TRPC3: variants seen among roughly 807,000 people sequenced by gnomAD.
TRPC3 encodes transient receptor potential cation channel subfamily C member 3.
Under a neutral mutation model 90.9 loss-of-function variants are expected in TRPC3, and 54 were observed. That is an observed-to-expected ratio of 0.59 (90% CI 0.48 to 0.75). The LOEUF (loss-of-function observed/expected upper bound fraction) is 0.75. Among genes scored for constraint, TRPC3 ranks in the 30% least tolerant of loss-of-function variants. TRPC3 has a pLI of 0.00. For synonymous variants in TRPC3, 424 were observed against 450.9 expected, an observed-to-expected ratio of 0.94 and a Z score of 0.75; for missense variants, 918 against 1,194.5, an observed-to-expected ratio of 0.77 and a Z score of 3.41.
At chr4:121,938,063 T>C (rs757132815) in intron 1 of TRPC3, among the ~76,000 whole-genome samples, 1 of 151,832 alleles carries the variant, frequency 6.6e-6, no homozygotes, top group Non-Finnish European at 1.5e-5. Context: ...TACCCTCTCA[T>C]ATATGCCTCT....
intron 3 of TRPC3, among the ~76,000 whole-genome samples, chr4:121,923,364 A>G (rs1231375266): frequency 6.6e-6 from 1 of 152,120 alleles, no homozygotes; most frequent in African/African-American, 2.4e-5. Flanking sequence ...TCCTCTTAGG[A>G]TTCTGTGAGC....
At chr4:121,888,921 G>T (rs1728226527) in intron 10 of TRPC3, among the ~76,000 whole-genome samples, 1 of 152,130 alleles carries the variant, frequency 6.6e-6, no homozygotes, top group South Asian at 2.1e-4. Flanking sequence ...TTATAAAAGA[G>T]ACCCCACAGA....
rs201332366 is a variant in TRPC3, at chr4:121,914,963, T to A, written c.1177-19A>T. The A allele has an allele frequency of 3.8e-5, 60 of 1,574,020 alleles. No homozygotes were observed. Among genetic ancestry groups the A allele is most frequent in the Admixed American group, 2.2e-4 (13 of 58,410 alleles). On this transcript the variant is annotated intron_variant, in intron 3 of 11. Coordinates refer to ENST00000379645, the MANE Select transcript of TRPC3 (RefSeq NM_001130698.2). ...CCACAAACTATTGGGAGAGAGAGAG[T>A]TTGAGAAGGGGAGAGAAAGGTAAGT...
intron 10 of TRPC3, among the ~76,000 whole-genome samples, chr4:121,884,696 C>T (rs1396367342): frequency 6.6e-6 from 1 of 152,182 alleles, no homozygotes; most frequent in Non-Finnish European, 1.5e-5. Context: ...AAAGGAAAAG[C>T]TCATTTTTCC....
chr4:121,921,060 G>A (rs996320337), intron 3 of TRPC3, among the ~76,000 whole-genome samples: 5 of 152,090 alleles, frequency 3.3e-5, no homozygotes, highest in Non-Finnish European at 5.9e-5. Flanking sequence ...CTATTCTGGT[G>A]TTTTATATAT....
intron 3 of TRPC3, among the ~76,000 whole-genome samples, chr4:121,920,412 T>C (rs1444565030): frequency 1.3e-5 from 2 of 151,990 alleles, no homozygotes; most frequent in Admixed American, 1.3e-4. Context: ...TAATCCCAGC[T>C]ACTCGGGAGG....
At chr4:121,945,900 C>T (rs1730471093) in intron 1 of TRPC3, among the ~76,000 whole-genome samples, 1 of 152,022 alleles carries the variant, frequency 6.6e-6, no homozygotes, top group African/African-American at 2.4e-5. Context: ...CCCTGGATCT[C>T]TGAAATAAAG....
In TRPC3 at chr4:121,951,861, A is replaced by G; in HGVS notation, c.-181T>C. Reference sequence around the variant, plus strand: ...GCCCGCGATCCAGCAGTTAGAGGCTAGCGCCGAAGCCGAGCTGCCGCCGCC... The same window carrying G: ...GCCCGCGATCCAGCAGTTAGAGGCTGGCGCCGAAGCCGAGCTGCCGCCGCC... On this transcript the variant is annotated 5_prime_UTR_variant, in exon 1 of 12. Coordinates refer to ENST00000379645, the MANE Select transcript of TRPC3 (RefSeq NM_001130698.2). The surrounding 1 kb of genome is among the most constrained non-coding windows in gnomAD (Gnocchi z 4.4). The G allele has an allele frequency of 2.4e-6, 1 of 423,204 alleles. No homozygotes were observed. The highest frequency in any genetic ancestry group is 4.0e-6 in the Non-Finnish European group (1 of 251,142). The allele number at this position is 423,204 out of a possible 1,614,324, so 26.2% of individuals were successfully genotyped here. A position where few individuals can be genotyped will look rare whatever the true frequency, so the allele number is the denominator to read the frequency against.
Position 121,882,361 on chromosome 4 carries a change from A to C in TRPC3, c.2616T>G (p.Val872=). Residue 872 remains valine (V), a synonymous_variant, in exon 11 of 12, where the codon GTT becomes GTG. Transcript: ENST00000379645. The stretch of plus-strand genomic sequence containing the variant: ...TAAGTTGGAGATGCTTACCTTCATT[A>C]ACTTCATCATTTTCTTTGTCTACTT... The part of the protein sequence containing the change: ...KAQVDKENDE[V]NEGELKEIKQ... 3.7e-6 allele frequency: 6 copies of C among 1,609,122 alleles called. No homozygotes were observed. Among genetic ancestry groups the C allele is most frequent in the Non-Finnish European group, 5.1e-6 (6 of 1,178,304 alleles).
intron 1 of TRPC3, among the ~76,000 whole-genome samples, chr4:121,943,566 TA>T (rs1006011995): frequency 6.6e-6 from 1 of 152,138 alleles, no homozygotes; most frequent in African/African-American, 2.4e-5. Flanking sequence ...TAATTTTTAT[TA>T]TTTCAGGAAG....
chr4:121,888,605 C>T (rs1250066188), intron 10 of TRPC3, among the ~76,000 whole-genome samples: 1 of 151,216 alleles, frequency 6.6e-6, no homozygotes, highest in Non-Finnish European at 1.5e-5. Flanking sequence ...CCATGTTAAC[C>T]AGGCTGGTCT....
chr4:121,879,807 T>C lies in TRPC3; in HGVS notation c.2695A>G (p.Thr899Ala). ...TGAATTAGAATGGCTAATTCCTCAG[T>C]TGCTTGGCTCTTGTCTTCCAAAAGT... ...YELLEDKSQA[T>A]EELAILIHKL... is the part of the protein sequence containing the mutation. The change falls in exon 12 of 12, where the codon ACT (threonine) becomes GCT (alanine). Residue 899 changes from threonine to alanine, a missense_variant. Physicochemically the swap from Thr to Ala is moderately conservative, Grantham distance 58. This residue lies in a region of TRPC3 where 41 missense variants were observed against 69.4 expected (regional missense o/e 0.59). Transcript: ENST00000379645. 5 of 1,608,238 alleles carry C rather than the reference T, an allele frequency of 3.1e-6. No homozygotes were observed. Among genetic ancestry groups the C allele is most frequent in the Non-Finnish European group, 4.2e-6 (5 of 1,178,222 alleles).
intron 1 of TRPC3, among the ~76,000 whole-genome samples, chr4:121,940,368 T>C (rs1730266592): frequency 6.6e-6 from 1 of 152,212 alleles, no homozygotes; most frequent in South Asian, 2.1e-4. Context: ...AGATTGGGCA[T>C]TTAATGTTTT....
chr4:121,890,498 A>T (rs1234127982), intron 10 of TRPC3, among the ~76,000 whole-genome samples: 1 of 152,176 alleles, frequency 6.6e-6, no homozygotes, highest in Middle Eastern at 3.2e-3. Context: ...AGGAAAAAGG[A>T]GCCAAAAATA....
Position 121,932,618 on chromosome 4 carries a change from C to G in TRPC3, c.640G>C (p.Glu214Gln), listed in dbSNP as rs1208669863. The change falls in exon 2 of 12, where the codon GAG becomes CAG. Residue 214 changes from glutamate (E) to glutamine (Q), a missense_variant. This residue lies in a region of TRPC3 where 609 missense variants were observed against 725.9 expected (regional missense o/e 0.84). Coordinates refer to ENST00000379645, the MANE Select transcript of TRPC3 (RefSeq NM_001130698.2). The surrounding 1 kb of genome is among the most constrained non-coding windows in gnomAD (Gnocchi z 7.7). ...KRLTLSPCEQELQDDDFYAYD... is the reference protein window; with the variant it reads ...KRLTLSPCEQQLQDDDFYAYD... ...GCGTAGAAGTCGTCGTCCTGCAGCTCCTGCTCACAGGGGCTCAGAGTGAGA... is the reference window on the plus strand; with the variant it reads ...GCGTAGAAGTCGTCGTCCTGCAGCTGCTGCTCACAGGGGCTCAGAGTGAGA... The G allele has an allele frequency of 6.2e-7, 1 of 1,613,868 alleles. No homozygotes were observed. Among genetic ancestry groups the G allele is most frequent in the Admixed American group, 1.7e-5 (1 of 60,028 alleles).
At chr4:121,897,946 T>C (rs1024695059) in intron 10 of TRPC3, among the ~76,000 whole-genome samples, 2 of 152,144 alleles carry the variant, frequency 1.3e-5, no homozygotes, top group African/African-American at 2.4e-5. Flanking sequence ...GTAGTATATA[T>C]ACACAACGGA....
At chr4:121,887,684 G>C (rs533855257) in intron 10 of TRPC3, among the ~76,000 whole-genome samples, 1 of 152,206 alleles carries the variant, frequency 6.6e-6, no homozygotes, top group Non-Finnish European at 1.5e-5. Context: ...AGACAACAGA[G>C]AGAATAAAAC....
intron 3 of TRPC3, among the ~76,000 whole-genome samples, chr4:121,919,256 C>A (rs1729422375): frequency 6.6e-6 from 1 of 152,188 alleles, no homozygotes; most frequent in African/African-American, 2.4e-5. Flanking sequence ...CACTGTTTTT[C>A]ATCAAATCAG....
Position 121,932,406 on chromosome 4 carries a change from T to C in TRPC3, c.852A>G (p.Ser284=), listed in dbSNP as rs201746642. Reference sequence around the variant, plus strand: ...CCTTGTAGGCATTGATCCTCGAGCGTGAGTGGCTGAAGGAGTCGTGCCTCT... The same window carrying C: ...CCTTGTAGGCATTGATCCTCGAGCGCGAGTGGCTGAAGGAGTCGTGCCTCT... ...EKQRHDSFSH[S]RSRINAYKGL... is the part of the protein sequence containing the mutation. The change falls in exon 2 of 12, where the codon TCA becomes TCG. Residue 284 remains serine (S), a synonymous_variant. Transcript: ENST00000379645. This position sits in a 1 kb window ranked among gnomAD's most constrained non-coding sequence, Gnocchi z 7.7. The C allele has an allele frequency of 6.2e-6, 10 of 1,614,134 alleles. No individual in the cohort carries two copies. In the East Asian group the frequency reaches 2.0e-4, roughly 32 times the overall value.
Sources: gnomAD v4.1 joint callset for allele counts (sites outside exome capture counted in the v4.1 genomes callset) on GRCh38, gnomAD v4.1.1 for gene constraint, gnomAD v4.1.1 regional missense constraint, Gnocchi (gnomAD v3.1) non-coding constraint, MANE v1.5 for transcripts, NCBI Gene and HGNC (gene_info 2026-07-23, HGNC 2026-07-21) for gene names.